The following LGSN variants were observed in gnomAD, a reference collection of about 807,000 sequenced individuals.
The protein encoded by LGSN is lengsin, lens protein with glutamine synthetase domain.
LGSN carries 21 observed loss-of-function variants against 19.5 expected under a neutral mutation model. The observed-to-expected ratio is 1.07, with a 90% CI of 0.76 to 1.55. The LOEUF (loss-of-function observed/expected upper bound fraction) is 1.55, where lower values mean the gene tolerates loss of function less well. Ranked by LOEUF, LGSN falls within the 40% of genes most tolerant of loss-of-function variation. The pLI, the probability that LGSN is intolerant of heterozygous loss-of-function variation, is 0.00. For missense variants in LGSN, 673 were observed against 608.5 expected, an observed-to-expected ratio of 1.11 and a Z score of -1.12; for synonymous variants, 257 against 215.6, an observed-to-expected ratio of 1.19 and a Z score of -1.68.
At chr6:63,398,010 A>T in the LGSN span, among the ~76,000 whole-genome samples, 49 of 152,132 alleles carry the variant, frequency 3.2e-4, no homozygotes, top group Non-Finnish European at 6.0e-4. Context: ...CATAGCTGTC[A>T]TAATGTTGCA....
At chr6:63,547,149 T>C in the LGSN span, among the ~76,000 whole-genome samples, 1 of 151,978 alleles carries the variant, frequency 6.6e-6, no homozygotes, top group African/African-American at 2.4e-5. Context: ...AGAGAATGCC[T>C]TTCAGGAGTT....
chr6:63,415,063 A>G, the LGSN span, among the ~76,000 whole-genome samples: 1 of 152,200 alleles, frequency 6.6e-6, no homozygotes, highest in Non-Finnish European at 1.5e-5. Flanking sequence ...CGCGCCTGTA[A>G]TTCCAACACT....
At chr6:63,428,867 T>C in the LGSN span, among the ~76,000 whole-genome samples, 1 of 152,138 alleles carries the variant, frequency 6.6e-6, no homozygotes. Flanking sequence ...TAAGAAACTA[T>C]GATGGAGAAA....
the LGSN span, chr6:63,549,059 C>T: frequency 4.2e-6 from 3 of 720,556 alleles, no homozygotes; most frequent in Non-Finnish European, 7.6e-6. Context: ...GCTGAGCTTT[C>T]TTATTCTCTA....
At chr6:63,433,093 T>A in the LGSN span, among the ~76,000 whole-genome samples, 1 of 152,064 alleles carries the variant, frequency 6.6e-6, no homozygotes, top group South Asian at 2.1e-4. Context: ...GCTTCTCTCC[T>A]ATGGTAAAAT....
the LGSN span, among the ~76,000 whole-genome samples, chr6:63,465,200 G>A: frequency 6.6e-6 from 1 of 152,022 alleles, no homozygotes; most frequent in African/African-American, 2.4e-5. Context: ...TTTGTTTTGA[G>A]ATGGAGTTTC....
At chr6:63,379,887 G>A in the LGSN span, among the ~76,000 whole-genome samples, 245 of 152,190 alleles carry the variant, frequency 1.6e-3, no homozygotes, top group Non-Finnish European at 2.8e-3. Context: ...GCCCAGGCTG[G>A]AGTGTAATGG....
chr6:63,298,125 G>C (rs973627545), intron 1 of LGSN, among the ~76,000 whole-genome samples: 8 of 152,262 alleles, frequency 5.3e-5, no homozygotes, highest in Admixed American at 1.3e-4. Context: ...TTAACAGATG[G>C]CCTCAGAAGT....
At chr6:63,380,506 A>T in the LGSN span, among the ~76,000 whole-genome samples, 1 of 152,132 alleles carries the variant, frequency 6.6e-6, no homozygotes, top group African/African-American at 2.4e-5. Flanking sequence ...CACCAACTTA[A>T]GTCTGCTGTT....
At chr6:63,563,695 A>G in the LGSN span, among the ~76,000 whole-genome samples, 1 of 152,182 alleles carries the variant, frequency 6.6e-6, no homozygotes, top group South Asian at 2.1e-4. Context: ...CATTTAACAC[A>G]TATGTGTTGG....
the LGSN span, among the ~76,000 whole-genome samples, chr6:63,573,037 C>T: frequency 1.3e-5 from 2 of 151,980 alleles, no homozygotes; most frequent in African/African-American, 4.8e-5. Flanking sequence ...GGGGCAGTTT[C>T]GGCTTCCGCA....
the LGSN span, among the ~76,000 whole-genome samples, chr6:63,464,854 C>T: frequency 2.6e-5 from 4 of 151,784 alleles, no homozygotes; most frequent in East Asian, 5.8e-4. Context: ...CAGTGAAACC[C>T]TATCTATTGA....
the LGSN span, among the ~76,000 whole-genome samples, chr6:63,537,904 G>A: frequency 2.0e-5 from 3 of 152,322 alleles, no homozygotes; most frequent in South Asian, 6.2e-4. Context: ...CCTACCAATG[G>A]AATACAGGCA....
At chr6:63,377,185 C>T in the LGSN span, among the ~76,000 whole-genome samples, 4 of 152,210 alleles carry the variant, frequency 2.6e-5, no homozygotes, top group Admixed American at 2.6e-4. Context: ...ACATTTGCCA[C>T]TTAGTATTCT....
chr6:63,393,702 C>T, the LGSN span, among the ~76,000 whole-genome samples: 3 of 152,216 alleles, frequency 2.0e-5, no homozygotes, highest in South Asian at 6.2e-4. Context: ...GGTCTTTCTT[C>T]TCAGAAGTCC....
the LGSN span, among the ~76,000 whole-genome samples, chr6:63,494,479 C>A: frequency 6.6e-6 from 1 of 152,118 alleles, no homozygotes; most frequent in African/African-American, 2.4e-5. Context: ...ATATGTGTCT[C>A]TATAATTTTG....
intron 2 of LGSN, 150 bp downstream of exon 2, chr6:63,294,763 T>A: frequency 1.4e-6 from 1 of 714,260 alleles, no homozygotes; most frequent in South Asian, 1.7e-5. Context: ...AGCTTATATT[T>A]GCCATCTTTT....
At chr6:63,513,852 C>T in the LGSN span, among the ~76,000 whole-genome samples, 16 of 136,844 alleles carry the variant, frequency 1.2e-4, no homozygotes, top group African/African-American at 2.7e-4. Flanking sequence ...CAGAGGTGTC[C>T]GTGAGCTGAG....
At chr6:63,327,525 G>T in the LGSN span, among the ~76,000 whole-genome samples, 2 of 152,190 alleles carry the variant, frequency 1.3e-5, no homozygotes, top group Non-Finnish European at 2.9e-5. Flanking sequence ...CAGCAGTGAG[G>T]AGGTCTAGGC....
Sources: gnomAD v4.1 joint callset for allele counts (sites outside exome capture counted in the v4.1 genomes callset) on GRCh38, gnomAD v4.1.1 for gene constraint, MANE v1.5 for transcripts, NCBI Gene and HGNC (gene_info 2026-07-23, HGNC 2026-07-21) for gene names.